Variants in ATP13A3 observed in about 807,000 individuals in gnomAD.
The protein encoded by ATP13A3 is polyamine-transporting ATPase 13A3.
Under a neutral mutation model 158.1 loss-of-function variants are expected in ATP13A3, and 59 were observed. The ratio of observed to expected loss-of-function variants is 0.37; its 90% CI spans 0.30 to 0.46. The LOEUF is 0.46. Ranked by LOEUF, ATP13A3 falls within the 20% of genes least tolerant of loss-of-function variation. The pLI, the probability that ATP13A3 is intolerant of heterozygous loss-of-function variation, is 1.00. For missense variants in ATP13A3, 1,166 were observed against 1,525.2 expected, an observed-to-expected ratio of 0.76 and a Z score of 3.92; for synonymous variants, 491 against 504.3, an observed-to-expected ratio of 0.97 and a Z score of 0.35.
At chr3:194,441,191 T>C in intron 16 of ATP13A3, 120 bp downstream of exon 16, 1 of 780,080 alleles carries the variant, frequency 1.3e-6, no homozygotes, top group Non-Finnish European at 2.0e-6. Context: ...CATAGCTCCT[T>C]TTAGGGTACA....
intron 2 of ATP13A3, among the ~76,000 whole-genome samples, chr3:194,463,331 A>G (rs2108985773): frequency 6.7e-6 from 1 of 150,280 alleles, no homozygotes; most frequent in Non-Finnish European, 1.5e-5. Flanking sequence ...ACATTCAGCT[A>G]CACATTAAAG....
At chr3:194,488,241 T>C (rs1252406074), upstream of ATP13A3, 1 of 109,560 alleles carries the variant, frequency 9.1e-6, no homozygotes, top group Non-Finnish European at 1.6e-5. This position sits in a 1 kb window ranked among gnomAD's most constrained non-coding sequence, Gnocchi z 4.1. Context: ...TAAATGAGAT[T>C]AAGGGGTGTG....
chr3:194,474,332 C>T (rs1720434235), intron 2 of ATP13A3, among the ~76,000 whole-genome samples: 1 of 151,986 alleles, frequency 6.6e-6, no homozygotes, highest in South Asian at 2.1e-4. Context: ...CCCCCAATTC[C>T]CCCATAAAGA....
At chr3:194,465,848 G>A (rs1719957634) in intron 2 of ATP13A3, among the ~76,000 whole-genome samples, 1 of 151,784 alleles carries the variant, frequency 6.6e-6, no homozygotes, top group Non-Finnish European at 1.5e-5. Context: ...CAGGGGTGGT[G>A]GTGCATGCCT....
intron 2 of ATP13A3, among the ~76,000 whole-genome samples, chr3:194,472,399 T>C (rs1028491059): frequency 2.0e-5 from 3 of 152,206 alleles, no homozygotes; most frequent in Non-Finnish European, 4.4e-5. Flanking sequence ...GAATAATTTC[T>C]ACAATAAGTA....
At chr3:194,475,075 T>TA (rs1720467433) in intron 2 of ATP13A3, among the ~76,000 whole-genome samples, 2 of 152,002 alleles carry the variant, frequency 1.3e-5, no homozygotes, top group Admixed American at 1.3e-4. Flanking sequence ...AAGGGGATGC[T>TA]AGGGAATAAT....
At chr3:194,485,892 C>A (rs1298361909) in intron 1 of ATP13A3, 57 bp from the exon 2 acceptor site, 1 of 152,190 alleles carries the variant, frequency 6.6e-6, no homozygotes, top group African/African-American at 2.4e-5. Context: ...CACCGGGAAG[C>A]CCCCAGCTGA....
chr3:194,421,112 G>GTATATATATA (rs1491202894), intron 30 of ATP13A3, among the ~76,000 whole-genome samples: 7 of 6,218 alleles, frequency 1.1e-3, no homozygotes, highest in African/African-American at 5.9e-3. Flanking sequence ...AGTGTGTAGG[G>GTATATATATA]TGTATATATA....
At position 194,494,207 on chromosome 3, in the gene ATP13A3, A is replaced by G. The variant is rs1459283677; in HGVS notation, n.589T>C. On this transcript the variant is annotated non_coding_transcript_exon_variant, in exon 2 of 33. Transcript: ENST00000687055. The surrounding 1 kb of genome is among the most constrained non-coding windows in gnomAD (Gnocchi z 4.2). ...TAAGCACCCAGACTTCCACCTCCTCATGAGCCAGGACCTTCCTCAGCCACA... is the reference window on the plus strand; with the variant it reads ...TAAGCACCCAGACTTCCACCTCCTCGTGAGCCAGGACCTTCCTCAGCCACA... 3 of 398,534 alleles carry G rather than the reference A, an allele frequency of 7.5e-6. No individual in the cohort carries two copies. Among genetic ancestry groups the G allele is most frequent in the African/African-American group, 2.1e-5 (1 of 48,602 alleles). The allele number at this position is 398,534 out of a possible 1,614,324, so 24.7% of individuals were successfully genotyped here.
intron 2 of ATP13A3, among the ~76,000 whole-genome samples, chr3:194,469,701 T>C (rs1720211203): frequency 6.6e-6 from 1 of 152,172 alleles, no homozygotes; most frequent in East Asian, 1.9e-4. Context: ...AATAAATATT[T>C]GATAAACCCA....
In ATP13A3 at chr3:194,462,126, G is replaced by T; in HGVS notation, c.51+14C>A. ...GTCTTCACACATCACCAGTAAATTA[G>T]AACAGCTGGTTACCATTTCATCTTC... On this transcript the variant is annotated intron_variant, in intron 3 of 33. Coordinates refer to ENST00000645319, the MANE Select transcript of ATP13A3 (RefSeq NM_001367549.1). 6.2e-7 allele frequency: 1 copy of T among 1,612,074 alleles called. No individual in the cohort carries two copies. Among genetic ancestry groups the T allele is most frequent in the Non-Finnish European group, 8.5e-7 (1 of 1,178,262 alleles).
intron 31 of ATP13A3, among the ~76,000 whole-genome samples, chr3:194,416,497 G>T (rs1265929188): frequency 6.6e-6 from 1 of 151,962 alleles, no homozygotes; most frequent in Non-Finnish European, 1.5e-5. Flanking sequence ...AACCACTTAT[G>T]TTAACAACAC....
chr3:194,471,002 T>TGACTCC (rs1282794321), intron 2 of ATP13A3, among the ~76,000 whole-genome samples: 1 of 151,624 alleles, frequency 6.6e-6, no homozygotes, highest in Non-Finnish European at 1.5e-5. Context: ...TGGGTGGGAG[T>TGACTCC]GAGGAAGAGA....
chr3:194,447,767 C>A, intron 13 of ATP13A3, 85 bp downstream of exon 13: 1 of 1,251,910 alleles, frequency 8.0e-7, no homozygotes. Flanking sequence ...GTTCCTCATT[C>A]TCAGTAGCCA....
intron 2 of ATP13A3, among the ~76,000 whole-genome samples, chr3:194,479,798 T>G (rs985715946): frequency 1.3e-5 from 2 of 152,030 alleles, no homozygotes; most frequent in African/African-American, 4.8e-5. Flanking sequence ...GTTTTAAATT[T>G]TATAAGGTGG....
chr3:194,435,626 CA>C (rs1390771453), intron 20 of ATP13A3, among the ~76,000 whole-genome samples: 1 of 152,050 alleles, frequency 6.6e-6, no homozygotes, highest in Non-Finnish European at 1.5e-5. Flanking sequence ...CAACTATAGG[CA>C]GCCGGGTGCA....
chr3:194,473,858 A>C (rs997834327), intron 2 of ATP13A3, among the ~76,000 whole-genome samples: 1 of 152,236 alleles, frequency 6.6e-6, no homozygotes, highest in Non-Finnish European at 1.5e-5. Flanking sequence ...GTAGAAACCA[A>C]GATAGAGCTA....
Position 194,405,809 on chromosome 3 carries a change from G to T in ATP13A3, c.*110C>A. ...AGCTGTCAAATAAGCTACTATATCA[G>T]AAGGGACATAAACTGAACTAGTGCC... On this transcript the variant is annotated 3_prime_UTR_variant, in exon 34 of 34. Transcript: ENST00000645319. 8.8e-7 allele frequency: 1 copy of T among 1,131,670 alleles called. No homozygotes were observed. The highest frequency in any genetic ancestry group is 1.3e-6 in the Non-Finnish European group (1 of 773,256). 70.1% of individuals were successfully genotyped at this position (1,131,670 alleles called of 1,614,324 possible).
rs1718455040 is a variant in ATP13A3 at position 194,447,063 on chromosome 3, A to G, written c.1361T>C (p.Val454Ala). 6.2e-7 allele frequency: 1 copy of G among 1,612,310 alleles called. No individual in the cohort carries two copies. The highest frequency in any genetic ancestry group is 1.3e-5 in the African/African-American group (1 of 74,882). The change falls in exon 14 of 34, where the codon GTG (valine) becomes GCG (alanine). Residue 454 changes from valine to alanine, a missense_variant. Physicochemically the swap from Val to Ala is moderately conservative, Grantham distance 64 (BLOSUM62 0). This residue lies in a region of ATP13A3 where 997 missense variants were observed against 1,341.2 expected (regional missense o/e 0.74). Coordinates refer to ENST00000645319, the MANE Select transcript of ATP13A3 (RefSeq NM_001367549.1). ...IESLDIITIT[V>A]PPALPAAMTA... ...CATTGCAGCAGGAAGTGCAGGGGGC[A>G]CAGTAATTGTGATAATATCAAGAGA...
Sources: gnomAD v4.1 joint callset for allele counts (sites outside exome capture counted in the v4.1 genomes callset) on GRCh38, gnomAD v4.1.1 for gene constraint, gnomAD v4.1.1 regional missense constraint, Gnocchi (gnomAD v3.1) non-coding constraint, MANE v1.5 for transcripts, NCBI Gene and HGNC (gene_info 2026-07-23, HGNC 2026-07-21) for gene names.